The following XPR1 variants were observed in gnomAD, a reference collection of about 807,000 sequenced individuals.
XPR1 encodes the protein xenotropic and polytropic retrovirus receptor 1, also known as solute carrier family 53 member 1.
Under a neutral mutation model 87.5 loss-of-function variants are expected in XPR1, and 28 were observed. The ratio of observed to expected loss-of-function variants is 0.32; its 90% CI spans 0.24 to 0.44. The LOEUF (loss-of-function observed/expected upper bound fraction) is 0.44. XPR1 is among the 20% of genes least tolerant of loss of function. The pLI is 1.00. For missense variants in XPR1, 559 were observed against 862.3 expected (o/e 0.65, Z 4.41); for synonymous variants, 300 against 306.1 (o/e 0.98, Z 0.21).
At chr1:180,666,975 G>A (rs1001282917) in intron 1 of XPR1, among the ~76,000 whole-genome samples, 1 of 151,930 alleles carries the variant, frequency 6.6e-6, no homozygotes, top group African/African-American at 2.4e-5. Context: ...GAGTGCAGTG[G>A]CGCAATCTTG....
intron 2 of XPR1, among the ~76,000 whole-genome samples, chr1:180,749,690 T>A (rs1647446168): frequency 2.0e-5 from 2 of 100,878 alleles, no homozygotes; most frequent in African/African-American, 3.6e-5. Flanking sequence ...GAGCTGGTGG[T>A]TAAACATTTA....
intron 3 of XPR1, among the ~76,000 whole-genome samples, chr1:180,794,181 C>CATATATAGTATATATATATATAGCAT (rs1649489374): frequency 6.6e-6 from 1 of 152,144 alleles, no homozygotes; most frequent in Non-Finnish European, 1.5e-5. Context: ...ACACATGTAG[C>CATATATAGTATATATATATATAGCAT]ATATATAGTA....
At chr1:180,645,712 A>G (rs1387101438) in intron 1 of XPR1, among the ~76,000 whole-genome samples, 1 of 152,230 alleles carries the variant, frequency 6.6e-6, no homozygotes, top group Admixed American at 6.5e-5. Flanking sequence ...ATGTGAGTTA[A>G]GGGCATGTAC....
chr1:180,874,818 C>G (rs1652610025), intron 13 of XPR1, among the ~76,000 whole-genome samples: 1 of 152,232 alleles, frequency 6.6e-6, no homozygotes, highest in African/African-American at 2.4e-5. Flanking sequence ...TTTGCCAAAT[C>G]TGTAGACTTT....
intron 10 of XPR1, 130 bp downstream of exon 10, chr1:180,835,175 A>G (rs1651235470): frequency 1.9e-6 from 2 of 1,031,220 alleles, no homozygotes; most frequent in East Asian, 2.8e-5. Context: ...AATTTAATGT[A>G]CTTGGCATTC....
At chr1:180,693,366 G>A (rs188017296) in intron 2 of XPR1, among the ~76,000 whole-genome samples, 2,181 of 152,192 alleles carry the variant, frequency 0.014, 28 homozygotes, top group Non-Finnish European at 0.024. Flanking sequence ...TCCAGTATTA[G>A]GTATCATTGA....
At chr1:180,851,819 T>C (rs1291124500) in intron 11 of XPR1, among the ~76,000 whole-genome samples, 1 of 152,116 alleles carries the variant, frequency 6.6e-6, no homozygotes, top group Non-Finnish European at 1.5e-5. Context: ...CATTGATGCT[T>C]TTATAATCAC....
At chr1:180,827,995 AC>A (rs2102156668) in intron 9 of XPR1, among the ~76,000 whole-genome samples, 1 of 150,594 alleles carries the variant, frequency 6.6e-6, no homozygotes, top group African/African-American at 2.4e-5. Flanking sequence ...TCCCACCTCA[AC>A]CTCTCCAGTA....
At chr1:180,640,045 A>G (rs1654915990) in intron 1 of XPR1, among the ~76,000 whole-genome samples, 1 of 152,230 alleles carries the variant, frequency 6.6e-6, no homozygotes, top group Admixed American at 6.5e-5. Flanking sequence ...ACCAGGTGTC[A>G]GCTGTTTTAC....
chr1:180,651,241 G>C (rs748611364), intron 1 of XPR1, among the ~76,000 whole-genome samples: 1 of 151,846 alleles, frequency 6.6e-6, no homozygotes, highest in African/African-American at 2.4e-5. Flanking sequence ...ACGGGTGCCC[G>C]CTACCACACC....
intron 2 of XPR1, among the ~76,000 whole-genome samples, chr1:180,719,877 G>A (rs75649339): frequency 0.034 from 5,174 of 152,196 alleles, 133 homozygotes; most frequent in African/African-American, 0.07. Context: ...TCTCTTTTGA[G>A]CAAATAAAAC....
intron 2 of XPR1, among the ~76,000 whole-genome samples, chr1:180,694,773 G>A (rs949280590): frequency 6.7e-6 from 1 of 149,512 alleles, no homozygotes; most frequent in East Asian, 2.0e-4. Context: ...ATTGTTGTGT[G>A]CACACACACA....
At chr1:180,742,074 A>G (rs1199119619) in intron 2 of XPR1, among the ~76,000 whole-genome samples, 1 of 150,772 alleles carries the variant, frequency 6.6e-6, no homozygotes, top group African/African-American at 2.4e-5. Flanking sequence ...TGTTTTTTTT[A>G]AATCAATTAT....
intron 6 of XPR1, among the ~76,000 whole-genome samples, chr1:180,806,966 C>T (rs1378219011): frequency 6.6e-6 from 1 of 151,960 alleles, no homozygotes; most frequent in East Asian, 1.9e-4. Flanking sequence ...TGTCATAAAA[C>T]AAGTCTCAAT....
At chr1:180,829,833 A>T (rs72723043) in intron 9 of XPR1, among the ~76,000 whole-genome samples, 8,565 of 147,706 alleles carry the variant, frequency 0.058, 311 homozygotes, top group Non-Finnish European at 0.08. Context: ...TTTTTTTTTT[A>T]AATTTTCATG....
intron 14 of XPR1, among the ~76,000 whole-genome samples, chr1:180,881,010 A>G (rs910850514): frequency 1.3e-5 from 2 of 152,238 alleles, no homozygotes; most frequent in South Asian, 4.1e-4. Flanking sequence ...TGAATAGACT[A>G]GAGACACAGT....
At chr1:180,825,000 A>G (rs1034232992) in intron 8 of XPR1, 57 bp downstream of exon 8, 70 of 1,562,944 alleles carry the variant, frequency 4.5e-5, no homozygotes, top group Admixed American at 3.7e-4. Context: ...CTATATAGCT[A>G]TCTGGTTTAG....
intron 11 of XPR1, among the ~76,000 whole-genome samples, chr1:180,855,303 A>G (rs1374483309): frequency 1.3e-5 from 2 of 152,180 alleles, no homozygotes; most frequent in African/African-American, 4.8e-5. Flanking sequence ...ACTTTTTTCT[A>G]AACTTTAATG....
At chr1:180,843,937 G>A (rs1005290297) in intron 11 of XPR1, among the ~76,000 whole-genome samples, 2 of 152,176 alleles carry the variant, frequency 1.3e-5, no homozygotes, top group African/African-American at 4.8e-5. Context: ...AGTTGACCGG[G>A]CACAGTAGCT....
Sources: allele counts gnomAD v4.1 joint callset (sites outside exome capture counted in the v4.1 genomes callset), GRCh38; gene constraint gnomAD v4.1.1; transcripts MANE v1.5; gene names NCBI Gene and HGNC (gene_info 2026-07-23, HGNC 2026-07-21).